Variants in SPMIP3 observed in about 807,000 individuals in gnomAD.
SPMIP3 encodes sperm microtubule inner protein 3.
the SPMIP3 span, among the ~76,000 whole-genome samples, chr1:244,376,104 G>A: frequency 2.6e-5 from 4 of 152,230 alleles, no homozygotes; most frequent in South Asian, 2.1e-4. Flanking sequence ...AGCAGAGGTG[G>A]GTGGGTATTC....
At chr1:244,378,381 T>C in the SPMIP3 span, 1 of 1,386,924 alleles carries the variant, frequency 7.2e-7, no homozygotes, top group African/African-American at 1.4e-5. Flanking sequence ...CTCACGGCCG[T>C]TTCCAGGGAA....
the SPMIP3 span, among the ~76,000 whole-genome samples, chr1:244,366,650 C>A: frequency 2.0e-5 from 3 of 152,044 alleles, no homozygotes; most frequent in Non-Finnish European, 1.5e-5. Context: ...GAGGCCAAGG[C>A]GGGTGGATCA....
chr1:244,375,283 C>T, the SPMIP3 span: 22 of 1,049,246 alleles, frequency 2.1e-5, no homozygotes, highest in Middle Eastern at 6.3e-4. Flanking sequence ...AGACCAAATA[C>T]GTTTTGTATT....
chr1:244,363,561 T>TG, the SPMIP3 span, among the ~76,000 whole-genome samples: 2 of 152,210 alleles, frequency 1.3e-5, no homozygotes, highest in South Asian at 4.2e-4. Flanking sequence ...AGGCTCTGGG[T>TG]GGGGCCCCCA....
the SPMIP3 span, among the ~76,000 whole-genome samples, chr1:244,382,706 C>A: frequency 1.4e-5 from 2 of 147,022 alleles, no homozygotes; most frequent in South Asian, 2.2e-4. Context: ...CGGGTTCAAG[C>A]GATTCTCCTG....
At chr1:244,372,437 A>G in the SPMIP3 span, among the ~76,000 whole-genome samples, 2 of 144,530 alleles carry the variant, frequency 1.4e-5, no homozygotes, top group Non-Finnish European at 3.0e-5. Flanking sequence ...CTTTCTACTG[A>G]CTCTGAATTT....
chr1:244,388,042 C>G, the SPMIP3 span, among the ~76,000 whole-genome samples: 26 of 151,930 alleles, frequency 1.7e-4, no homozygotes, highest in African/African-American at 6.0e-4. Context: ...ATTCTCCTGC[C>G]TCACCTTACC....
the SPMIP3 span, among the ~76,000 whole-genome samples, chr1:244,364,514 C>T: frequency 8.6e-5 from 13 of 151,980 alleles, no homozygotes; most frequent in South Asian, 6.2e-4. Context: ...TTTCTTTTTG[C>T]TCCTTTCTAA....
chr1:244,380,678 G>A, the SPMIP3 span, among the ~76,000 whole-genome samples: 4 of 152,180 alleles, frequency 2.6e-5, no homozygotes, highest in African/African-American at 9.7e-5. Context: ...TCACACCTGA[G>A]CGTCACCTGT....
At chr1:244,382,604 T>TG in the SPMIP3 span, among the ~76,000 whole-genome samples, 1 of 146,166 alleles carries the variant, frequency 6.8e-6, no homozygotes, top group African/African-American at 2.5e-5. Context: ...GCTGCTGTTT[T>TG]TTTTTTTTTT....
At chr1:244,369,431 G>A in the SPMIP3 span, among the ~76,000 whole-genome samples, 126 of 152,336 alleles carry the variant, frequency 8.3e-4, no homozygotes, top group Non-Finnish European at 7.3e-4. Flanking sequence ...ATCCTGCGTG[G>A]GATGATATTG....
At chr1:244,356,568 A>G in the SPMIP3 span, among the ~76,000 whole-genome samples, 1 of 152,172 alleles carries the variant, frequency 6.6e-6, no homozygotes, top group East Asian at 1.9e-4. Context: ...GTATTGTTAA[A>G]TTTTAATTTC....
At chr1:244,356,666 A>G in the SPMIP3 span, among the ~76,000 whole-genome samples, 2 of 152,218 alleles carry the variant, frequency 1.3e-5, no homozygotes, top group Admixed American at 6.5e-5. Flanking sequence ...ATGAACCTGC[A>G]CAAGCCTTGA....
At chr1:244,363,936 G>T in the SPMIP3 span, among the ~76,000 whole-genome samples, 6 of 152,066 alleles carry the variant, frequency 3.9e-5, no homozygotes, top group Non-Finnish European at 8.8e-5. Flanking sequence ...TTCTTGTTGT[G>T]AGGCACTCTG....
the SPMIP3 span, among the ~76,000 whole-genome samples, chr1:244,357,782 C>T: frequency 6.7e-6 from 1 of 149,090 alleles, no homozygotes; most frequent in Non-Finnish European, 1.5e-5. Context: ...TGAGAAACAA[C>T]GAATATAAAA....
At chr1:244,367,596 C>G in the SPMIP3 span, among the ~76,000 whole-genome samples, 4 of 152,146 alleles carry the variant, frequency 2.6e-5, no homozygotes, top group Non-Finnish European at 5.9e-5. Flanking sequence ...GTGTGCCCCC[C>G]AACCCACGTG....
chr1:244,360,507 TATACACAC>T, the SPMIP3 span, among the ~76,000 whole-genome samples: 81 of 12,860 alleles, frequency 6.3e-3, no homozygotes, highest in East Asian at 0.016. Flanking sequence ...GAAAACGTGA[TATACACAC>T]ACACACACAC....
At chr1:244,353,466 G>A in the SPMIP3 span, among the ~76,000 whole-genome samples, 17 of 152,130 alleles carry the variant, frequency 1.1e-4, no homozygotes, top group Non-Finnish European at 2.1e-4. Flanking sequence ...TCCAAAGCCT[G>A]GTGGAGAGTT....
At chr1:244,388,927 T>C in the SPMIP3 span, 1 of 1,573,384 alleles carries the variant, frequency 6.4e-7, no homozygotes, top group African/African-American at 1.3e-5. Flanking sequence ...TTTAAATAAA[T>C]CCTTAATTTG....
Sources: gnomAD v4.1 joint callset for allele counts (sites outside exome capture counted in the v4.1 genomes callset) on GRCh38, gnomAD v4.1.1 for gene constraint, MANE v1.5 for transcripts, NCBI Gene and HGNC (gene_info 2026-07-23, HGNC 2026-07-21) for gene names.